The following RBFOX3 variants were observed in gnomAD, a reference collection of about 807,000 sequenced individuals.
RBFOX3 encodes the protein RNA binding protein fox-1 homolog 3.
A neutral mutation model predicts 48.7 loss-of-function variants in RBFOX3; 17 were observed. The ratio of observed to expected loss-of-function variants is 0.35; its 90% CI spans 0.24 to 0.52. RBFOX3 has a LOEUF of 0.52. Ranked by LOEUF, RBFOX3 falls within the 20% of genes least tolerant of loss-of-function variation. RBFOX3 has a pLI of 0.94. For missense variants in RBFOX3, 382 were observed against 497.5 expected, an observed-to-expected ratio of 0.77 and a Z score of 2.21; for synonymous variants, 212 against 209.5, an observed-to-expected ratio of 1.01 and a Z score of -0.10.
chr17:79,537,604 C>T (rs931015124), intron 1 of RBFOX3, among the ~76,000 whole-genome samples: 1 of 152,132 alleles, frequency 6.6e-6, no homozygotes, highest in African/African-American at 2.4e-5. Context: ...TTCCCTAGAA[C>T]CCCCGCCCAC....
intron 14 of RBFOX3, chr17:79,092,024 T>G (rs1243585813): frequency 1.0e-6 from 1 of 985,354 alleles, no homozygotes; most frequent in Non-Finnish European, 1.2e-6. Context: ...CTCCTGTGGT[T>G]GGCTGGGTGA....
At chr17:79,406,255 T>C (rs2148499477) in intron 2 of RBFOX3, among the ~76,000 whole-genome samples, 1 of 152,308 alleles carries the variant, frequency 6.6e-6, no homozygotes, top group East Asian at 1.9e-4. Context: ...AACTCTCTTT[T>C]TGCTCGTTCT....
intron 1 of RBFOX3, among the ~76,000 whole-genome samples, chr17:79,543,636 TAAAC>T (rs782136144): frequency 2.0e-4 from 31 of 152,292 alleles, no homozygotes; most frequent in Admixed American, 3.3e-4. Context: ...AACAAGCTGA[TAAAC>T]AAACAGCGAG....
intron 3 of RBFOX3, among the ~76,000 whole-genome samples, chr17:79,259,525 G>A (rs1056092322): frequency 6.6e-6 from 1 of 152,232 alleles, no homozygotes; most frequent in African/African-American, 2.4e-5. Flanking sequence ...GCATCTGGGA[G>A]GCAAGGCCTG....
intron 1 of RBFOX3, among the ~76,000 whole-genome samples, chr17:79,538,929 A>G (rs1555789441): frequency 6.6e-6 from 1 of 152,252 alleles, no homozygotes; most frequent in Admixed American, 6.5e-5. Context: ...ACAAAGCATG[A>G]GAACAGGCTG....
At chr17:79,167,148 C>G (rs960545108) in intron 4 of RBFOX3, among the ~76,000 whole-genome samples, 1 of 152,172 alleles carries the variant, frequency 6.6e-6, no homozygotes. Context: ...ATGGGAAGAT[C>G]GATCATATCC....
At chr17:79,546,559 G>C (rs12603879) in intron 1 of RBFOX3, among the ~76,000 whole-genome samples, 35,505 of 145,850 alleles carry the variant, frequency 0.24, 5,045 homozygotes, top group East Asian at 0.5. Flanking sequence ...TCTGTAGCCC[G>C]CTCCACGCCC....
chr17:79,388,898 C>T (rs1248327547), intron 2 of RBFOX3, among the ~76,000 whole-genome samples: 2 of 152,248 alleles, frequency 1.3e-5, no homozygotes, highest in East Asian at 3.8e-4. Flanking sequence ...CTCCCAGCGG[C>T]AGGGAACAGA....
chr17:79,504,107 AAG>A (rs2082755959), intron 1 of RBFOX3, among the ~76,000 whole-genome samples: 1 of 152,112 alleles, frequency 6.6e-6, no homozygotes, highest in Non-Finnish European at 1.5e-5. Flanking sequence ...CCTGTGACCA[AAG>A]ACATCACCTG....
chr17:79,662,989 C>T, the RBFOX3 span, among the ~76,000 whole-genome samples: 1 of 152,338 alleles, frequency 6.6e-6, no homozygotes, highest in African/African-American at 2.4e-5. Context: ...CTGTTTAAGT[C>T]ATCAGCCAAA....
intron 1 of RBFOX3, among the ~76,000 whole-genome samples, chr17:79,537,044 C>G (rs1314049677): frequency 6.6e-6 from 1 of 151,750 alleles, no homozygotes; most frequent in Non-Finnish European, 1.5e-5. Flanking sequence ...GAGATCACAC[C>G]ACTGCACTCC....
intron 2 of RBFOX3, among the ~76,000 whole-genome samples, chr17:79,308,217 C>A (rs551499278): frequency 6.6e-6 from 1 of 152,228 alleles, no homozygotes; most frequent in African/African-American, 2.4e-5. Flanking sequence ...GCCAGCAGAG[C>A]CTCCTTGGGG....
At chr17:79,345,292 G>A (rs147805033) in intron 2 of RBFOX3, among the ~76,000 whole-genome samples, 8 of 152,232 alleles carry the variant, frequency 5.3e-5, no homozygotes, top group African/African-American at 1.9e-4. Flanking sequence ...CCTTCTAATG[G>A]CTGCAGGGTC....
intron 3 of RBFOX3, among the ~76,000 whole-genome samples, chr17:79,283,340 C>T (rs2071066954): frequency 6.7e-6 from 1 of 148,976 alleles, no homozygotes. Context: ...GTGATCTCGG[C>T]TCACTGCAAC....
chr17:79,452,647 C>T (rs1303258203), intron 2 of RBFOX3, among the ~76,000 whole-genome samples: 6 of 152,026 alleles, frequency 3.9e-5, no homozygotes, highest in African/African-American at 7.3e-5. Context: ...AGGGGAGGCT[C>T]CAGGAAGAAA....
chr17:79,310,810 T>C (rs1055164024), intron 2 of RBFOX3, among the ~76,000 whole-genome samples: 2 of 152,162 alleles, frequency 1.3e-5, no homozygotes, highest in African/African-American at 4.8e-5. Context: ...AACATTGCTG[T>C]TTCCAGGAGT....
At chr17:79,464,196 C>T (rs1184069531) in intron 2 of RBFOX3, among the ~76,000 whole-genome samples, 2 of 152,256 alleles carry the variant, frequency 1.3e-5, no homozygotes, top group Non-Finnish European at 2.9e-5. Context: ...GCGAAACGGG[C>T]GCACATCAGG....
At chr17:79,206,486 G>A (rs182677665) in intron 4 of RBFOX3, among the ~76,000 whole-genome samples, 19 of 152,304 alleles carry the variant, frequency 1.2e-4, no homozygotes, top group African/African-American at 2.9e-4. Flanking sequence ...GAGGCTGGCC[G>A]TCATCTTGAA....
At chr17:79,330,046 A>G (rs1332771286) in intron 2 of RBFOX3, among the ~76,000 whole-genome samples, 6 of 152,200 alleles carry the variant, frequency 3.9e-5, no homozygotes, top group African/African-American at 1.4e-4. Flanking sequence ...TTCAGAGCTG[A>G]AGAGTTAAGC....
Sources: gnomAD v4.1 joint callset for allele counts (sites outside exome capture counted in the v4.1 genomes callset) on GRCh38, gnomAD v4.1.1 for gene constraint, MANE v1.5 for transcripts, NCBI Gene and HGNC (gene_info 2026-07-23, HGNC 2026-07-21) for gene names.